The following BLM variants were observed in gnomAD, a reference collection of about 807,000 sequenced individuals.
BLM encodes BLM RecQ like helicase.
A neutral mutation model predicts 135.3 loss-of-function variants in BLM; 95 were observed. That is an observed-to-expected ratio of 0.70 (90% CI 0.59 to 0.83). BLM has a LOEUF of 0.83. Among genes scored for constraint, BLM ranks in the 40% least tolerant of loss-of-function variants. The pLI is 0.00. For missense variants in BLM, 1,518 were observed against 1,663.9 expected, an observed-to-expected ratio of 0.91 and a Z score of 1.53; for synonymous variants, 520 against 589.2, an observed-to-expected ratio of 0.88 and a Z score of 1.70.
At chr15:90,762,824 G>A (rs972673296) in intron 7 of BLM, 142 bp from the exon 8 acceptor site, 9 of 804,972 alleles carry the variant, frequency 1.1e-5, no homozygotes, top group African/African-American at 1.7e-5. Context: ...GAGACTTGTA[G>A]GGAAGGAAAG....
In BLM at chr15:90,798,237, AT is replaced by A. The variant is rs1319786857; in HGVS notation, c.3261del (p.Phe1087LeufsTer11). ...CTGACGATGTGAAAAGTATTGTAAG[AT>A]TTGTTCAAGAACATAGTTCATCACA... ...VTDDVKSIVRFVQEHSSSQGM... is the reference protein window; with the variant it reads ...VTDDVKSIVRXVQEHSSSQGM... On this transcript the variant is annotated frameshift_variant, in exon 17 of 22. Transcript: ENST00000355112. LOFTEE classifies it high-confidence loss of function. 17 of 1,611,036 alleles carry A rather than the reference AT, an allele frequency of 1.1e-5. No individual in the cohort carries two copies. Among genetic ancestry groups the A allele is most frequent in the Non-Finnish European group, 1.4e-5 (16 of 1,177,564 alleles).
chr15:90,806,510 CAAAAAA>C (rs3079983), intron 19 of BLM, among the ~76,000 whole-genome samples: 10 of 113,416 alleles, frequency 8.8e-5, no homozygotes, highest in Admixed American at 1.6e-4. Flanking sequence ...GACTCCATCT[CAAAAAA>C]AAAAAAAAAA....
intron 1 of BLM, among the ~76,000 whole-genome samples, chr15:90,728,596 G>T (rs1471592863): frequency 4.0e-5 from 6 of 150,948 alleles, no homozygotes; most frequent in Admixed American, 4.0e-4. Flanking sequence ...AGTAGAGACG[G>T]GGTTTCACCA....
chr15:90,811,152 A>T, intron 20 of BLM, 53 bp from the exon 21 acceptor site: 1 of 1,592,592 alleles, frequency 6.3e-7, no homozygotes, highest in Non-Finnish European at 8.6e-7. Context: ...TACACTAAAA[A>T]CACGTGGACC....
At position 90,749,813 on chromosome 15, in the gene BLM, C is replaced by T. The variant is rs749838731; in HGVS notation, c.545C>T (p.Thr182Ile). ...PPQSHFVRVS[T>I]AQKSKKGKRN... is the part of the protein sequence containing the mutation. ...CAAAGTCACTTTGTAAGAGTAAGCA[C>T]TGCTCAGAAATCAAAAAAGGGTAAG... The change falls in exon 3 of 22, where the codon ACT becomes ATT. Residue 182 changes from threonine (T) to isoleucine (I), a missense_variant. This residue lies in a region of BLM where 724 missense variants were observed against 756.9 expected (regional missense o/e 0.96). Transcript: ENST00000355112. 9.4e-6 allele frequency: 15 copies of T among 1,601,550 alleles called. No homozygotes were observed. Among genetic ancestry groups the T allele is most frequent in the Non-Finnish European group, 1.3e-5 (15 of 1,174,484 alleles).
intron 16 of BLM, among the ~76,000 whole-genome samples, chr15:90,797,273 G>A (rs1003619920): frequency 2.0e-5 from 3 of 151,834 alleles, no homozygotes; most frequent in African/African-American, 4.8e-5. Context: ...CAAATTAGTC[G>A]GGCATGGTGG....
At chr15:90,798,478 G>A (rs773207333) in intron 17 of BLM, 141 bp downstream of exon 17, 25 of 799,798 alleles carry the variant, frequency 3.1e-5, no homozygotes, top group Non-Finnish European at 4.7e-5. Flanking sequence ...AGTAACAAAA[G>A]AAAGTCAATT....
intron 10 of BLM, among the ~76,000 whole-genome samples, chr15:90,767,649 C>T (rs560808505): frequency 6.6e-6 from 1 of 152,292 alleles, no homozygotes; most frequent in African/African-American, 2.4e-5. Context: ...GATGTCGATT[C>T]GTCCCATTAC....
At chr15:90,811,095 C>A (rs1897402942) in intron 20 of BLM, 110 bp from the exon 21 acceptor site, 1 of 1,114,222 alleles carries the variant, frequency 9.0e-7, no homozygotes, top group Non-Finnish European at 1.4e-6. Context: ...GGCAGGGAAG[C>A]AGCTAGGTAT....
chr15:90,814,038 T>C (rs1409891567), intron 21 of BLM, among the ~76,000 whole-genome samples: 1 of 152,230 alleles, frequency 6.6e-6, no homozygotes, highest in Non-Finnish European at 1.5e-5. Context: ...CTGGGCTTAA[T>C]TTCTCAGCAG....
chr15:90,752,862 T>C (rs1399876273), intron 4 of BLM, among the ~76,000 whole-genome samples: 2 of 152,164 alleles, frequency 1.3e-5, no homozygotes, highest in Non-Finnish European at 2.9e-5. Context: ...ACCAGCATTC[T>C]CATTTACCAG....
chr15:90,751,917 T>C lies in BLM; in HGVS notation c.930T>C (p.Ser310=), dbSNP rs1471248156. 1 of 1,612,896 alleles carries C rather than the reference T, an allele frequency of 6.2e-7. No homozygotes were observed. Among genetic ancestry groups the C allele is most frequent in the Non-Finnish European group, 8.5e-7 (1 of 1,179,026 alleles). ...FVPPSPEEII[S]ASSSSSKCLS... is the part of the protein sequence containing the mutation. ...CACCTTCTCCAGAAGAAATTATTTC[T>C]GCTTCTTCTTCCTCTTCAAAATGCC... The change falls in exon 4 of 22, where the codon TCT becomes TCC. Residue 310 remains serine (S), a synonymous_variant. Transcript: ENST00000355112.
chr15:90,741,612 A>G (rs1895365812), intron 1 of BLM, among the ~76,000 whole-genome samples: 1 of 152,266 alleles, frequency 6.6e-6, no homozygotes, highest in African/African-American at 2.4e-5. Context: ...TAAGTCAAAA[A>G]CTATGAAGGG....
chr15:90,806,568 T>C (rs1342530811), intron 19 of BLM, among the ~76,000 whole-genome samples: 1 of 151,960 alleles, frequency 6.6e-6, no homozygotes, highest in Non-Finnish European at 1.5e-5. Context: ...GAAGAGATTA[T>C]GTTTTATGCT....
At chr15:90,799,626 TAAAAAAA>T (rs10600094) in intron 17 of BLM, among the ~76,000 whole-genome samples, 16 of 108,720 alleles carry the variant, frequency 1.5e-4, no homozygotes, top group Non-Finnish European at 2.5e-4. Flanking sequence ...AAGATGCCTG[TAAAAAAA>T]AAAAAAAAAA....
Position 90,751,911 on chromosome 15 carries a change from T to C in BLM, c.924T>C (p.Ile308=). The part of the protein sequence containing the change: ...TDFVPPSPEE[I]ISASSSSSKC... ...TTGTTCCACCTTCTCCAGAAGAAAT[T>C]ATTTCTGCTTCTTCTTCCTCTTCAA... The change falls in exon 4 of 22, where the codon ATT becomes ATC. Residue 308 remains isoleucine (I), a synonymous_variant. Coordinates refer to ENST00000355112, the MANE Select transcript of BLM (RefSeq NM_000057.4). 1.2e-6 allele frequency: 2 copies of C among 1,612,918 alleles called. No homozygotes were observed. Among genetic ancestry groups the C allele is most frequent in the Non-Finnish European group, 1.7e-6 (2 of 1,179,052 alleles).
chr15:90,784,928 A>C lies in BLM; in HGVS notation c.2670A>C (p.Ser890=). 6.2e-7 allele frequency: 1 copy of C among 1,613,488 alleles called. No homozygotes were observed. Among genetic ancestry groups the C allele is most frequent in the Non-Finnish European group, 8.5e-7 (1 of 1,179,540 alleles). The change falls in exon 14 of 22, where the codon TCA becomes TCC. Residue 890 remains serine, a synonymous_variant. Coordinates refer to ENST00000355112, the MANE Select transcript of BLM (RefSeq NM_000057.4). The stretch of plus-strand genomic sequence containing the variant: ...CTCTTGGTTTCTTGGCAGATGATTC[A>C]GGGATAATTTACTGCCTCTCCAGGC... The part of the protein sequence containing the change: ...EWIRKHHPYD[S]GIIYCLSRRE...
intron 1 of BLM, among the ~76,000 whole-genome samples, chr15:90,727,440 C>T (rs1894948811): frequency 6.6e-6 from 1 of 152,132 alleles, no homozygotes; most frequent in Non-Finnish European, 1.5e-5. Flanking sequence ...CTGTTACCTT[C>T]AGAAAAGCCT....
intron 1 of BLM, among the ~76,000 whole-genome samples, chr15:90,743,680 C>T (rs1374120156): frequency 1.3e-5 from 2 of 152,156 alleles, no homozygotes; most frequent in African/African-American, 2.4e-5. Context: ...GCTGAGACTA[C>T]AGGCATGTTG....
Sources: allele counts gnomAD v4.1 joint callset (sites outside exome capture counted in the v4.1 genomes callset), GRCh38; gene constraint gnomAD v4.1.1; regional missense constraint gnomAD v4.1.1; transcripts MANE v1.5; gene names NCBI Gene and HGNC (gene_info 2026-07-23, HGNC 2026-07-21).